ST6GAL2: variants seen among roughly 807,000 people sequenced by gnomAD.
ST6GAL2 encodes the protein beta-galactoside alpha-2,6-sialyltransferase 2.
ST6GAL2 carries 24 observed loss-of-function variants against 37.5 expected under a neutral mutation model. The ratio of observed to expected loss-of-function variants is 0.64; its 90% CI spans 0.46 to 0.90. The LOEUF is 0.90. ST6GAL2 is among the 40% of genes least tolerant of loss of function. The probability of loss-of-function intolerance (pLI) is 0.00; values close to 1 mark genes in which losing one functional copy is unlikely to be tolerated. For missense variants in ST6GAL2, 715 were observed against 712.7 expected, an observed-to-expected ratio of 1.00 and a Z score of -0.04; for synonymous variants, 306 against 295.1, an observed-to-expected ratio of 1.04 and a Z score of -0.38.
At chr2:106,866,740 T>C (rs1678042042) in intron 1 of ST6GAL2, among the ~76,000 whole-genome samples, 1 of 152,188 alleles carries the variant, frequency 6.6e-6, no homozygotes, top group Non-Finnish European at 1.5e-5. Context: ...ATCCCTGCCT[T>C]ATTCATCAGG....
chr2:106,835,665 C>T (rs1444186673), intron 2 of ST6GAL2, among the ~76,000 whole-genome samples: 10 of 152,216 alleles, frequency 6.6e-5, no homozygotes, highest in East Asian at 1.9e-4. Flanking sequence ...ATAACACAGA[C>T]ACACTCACTG....
chr2:106,866,772 G>C (rs1430567709), intron 1 of ST6GAL2, among the ~76,000 whole-genome samples: 1 of 152,108 alleles, frequency 6.6e-6, no homozygotes, highest in Non-Finnish European at 1.5e-5. Flanking sequence ...AGAATGTGTT[G>C]GTAAAACACG....
intron 1 of ST6GAL2, among the ~76,000 whole-genome samples, chr2:106,868,855 C>CA (rs1281435005): frequency 6.6e-6 from 1 of 150,546 alleles, no homozygotes; most frequent in Non-Finnish European, 1.5e-5. Flanking sequence ...GAGTGCAATA[C>CA]AAAAAAGAAA....
Position 106,843,488 on chromosome 2 carries a change from G to A in ST6GAL2, c.490C>T (p.Pro164Ser). 6.2e-7 allele frequency: 1 copy of A among 1,614,048 alleles called. No homozygotes were observed. The highest frequency in any genetic ancestry group is 8.5e-7 in the Non-Finnish European group (1 of 1,180,016). ...GEPGPREGAF[P>S]AAQVQRRRVK... ...CGCCTCCTCTGGACCTGTGCAGCCG[G>A]AAAAGCCCCCTCCCGTGGGCCTGGC... Residue 164 changes from proline to serine, a missense_variant, in exon 2 of 6, where the codon CCG (proline) becomes TCG (serine). Physicochemically the swap from Pro to Ser is moderately conservative, Grantham distance 74. Coordinates refer to ENST00000409382, the MANE Select transcript of ST6GAL2 (RefSeq NM_001142351.2).
chr2:106,867,345 A>G (rs969697506), intron 1 of ST6GAL2, among the ~76,000 whole-genome samples: 5 of 152,078 alleles, frequency 3.3e-5, no homozygotes, highest in Admixed American at 3.3e-4. Context: ...TCATGATTCC[A>G]CTGTTGGCAA....
At position 106,843,163 on chromosome 2, in the gene ST6GAL2, G is replaced by A. The variant is rs769367829; in HGVS notation, c.815C>T (p.Ser272Phe). 1 of 1,561,416 alleles carries A rather than the reference G, an allele frequency of 6.4e-7. No homozygotes were observed. Among genetic ancestry groups the A allele is most frequent in the Non-Finnish European group, 8.7e-7 (1 of 1,154,440 alleles). ...RTLDGTEAPFSALGWRRLVPA... is the reference protein window; with the variant it reads ...RTLDGTEAPFFALGWRRLVPA... The stretch of plus-strand genomic sequence containing the variant: ...CACCAGGCGCCGCCAGCCCAGCGCA[G>A]AAAAGGGCGCCTCGGTGCCGTCCAG... Residue 272 changes from serine to phenylalanine, a missense_variant, in exon 2 of 6, where the codon TCT (serine) becomes TTT (phenylalanine). Around this residue, in one of 3 missense-constraint regions of ST6GAL2, gnomAD observed 512 missense variants for 488.8 expected, o/e 1.05. Coordinates refer to ENST00000409382, the MANE Select transcript of ST6GAL2 (RefSeq NM_001142351.2).
In ST6GAL2 at chr2:106,843,107, G is replaced by C; in HGVS notation, c.871C>G (p.Arg291Gly). ...ACGACAGCGCAGCTGCGCAGGCCGC[G>C]GGGGTGCAGCTGGCTCAGGGGCACG... ...PAVPLSQLHPRGLRSCAVVMS... is the reference protein window; with the variant it reads ...PAVPLSQLHPGGLRSCAVVMS... The change falls in exon 2 of 6, where the codon CGC (arginine) becomes GGC (glycine). Residue 291 changes from arginine (R) to glycine (G), a missense_variant. Physicochemically the swap from Arg to Gly is moderately radical, Grantham distance 125. Coordinates refer to ENST00000409382, the MANE Select transcript of ST6GAL2 (RefSeq NM_001142351.2). The C allele has an allele frequency of 6.4e-7, 1 of 1,556,680 alleles. No homozygotes were observed. Among genetic ancestry groups the C allele is most frequent in the Non-Finnish European group, 8.6e-7 (1 of 1,157,038 alleles).
At chr2:106,846,809 C>T (rs1406101289) in intron 1 of ST6GAL2, among the ~76,000 whole-genome samples, 1 of 152,170 alleles carries the variant, frequency 6.6e-6, no homozygotes, top group Non-Finnish European at 1.5e-5. Context: ...CCGCAGTTAG[C>T]TTACTATATA....
intron 2 of ST6GAL2, among the ~76,000 whole-genome samples, chr2:106,835,233 C>T (rs181256060): frequency 1.3e-4 from 20 of 152,182 alleles, no homozygotes; most frequent in South Asian, 2.1e-4. Context: ...AAGGACAGTG[C>T]CTGTCTGTGA....
At chr2:106,820,472 G>C (rs1437016556) in intron 5 of ST6GAL2, among the ~76,000 whole-genome samples, 4 of 152,016 alleles carry the variant, frequency 2.6e-5, no homozygotes, top group African/African-American at 9.7e-5. Flanking sequence ...GGAGAACTCA[G>C]ATCCATAAAG....
intron 2 of ST6GAL2, among the ~76,000 whole-genome samples, chr2:106,837,810 GA>G (rs1308325899): frequency 2.0e-5 from 3 of 152,208 alleles, no homozygotes; most frequent in African/African-American, 7.2e-5. Flanking sequence ...TCTTATTGTG[GA>G]GCTGTGCTCT....
At position 106,805,970 on chromosome 2, in the gene ST6GAL2, T is replaced by C. The variant is rs1287058639; in HGVS notation, c.*708A>G. 1 of 152,352 alleles carries C rather than the reference T, an allele frequency of 6.6e-6. No individual in the cohort carries two copies. Among genetic ancestry groups the C allele is most frequent in the East Asian group, 1.9e-4 (1 of 5,192 alleles). 9.4% of individuals were successfully genotyped at this position (152,352 alleles called of 1,614,324 possible). ...ATACTAATGTTCCTGGTTGAAATAC[T>C]GCAGGGAAACAAAGGGCCTCCTCTG... On this transcript the variant is annotated 3_prime_UTR_variant, in exon 6 of 6. Coordinates refer to ENST00000409382, the MANE Select transcript of ST6GAL2 (RefSeq NM_001142351.2).
intron 5 of ST6GAL2, among the ~76,000 whole-genome samples, chr2:106,820,677 A>C (rs1675971094): frequency 6.6e-6 from 1 of 152,094 alleles, no homozygotes. Context: ...TGCAGAATAC[A>C]CATTCTTTTC....
At chr2:106,855,752 G>T (rs1004049270) in intron 1 of ST6GAL2, among the ~76,000 whole-genome samples, 1 of 152,134 alleles carries the variant, frequency 6.6e-6, no homozygotes, top group South Asian at 2.1e-4. Flanking sequence ...TGTAATAAAA[G>T]TTGTAAAAAG....
intron 1 of ST6GAL2, among the ~76,000 whole-genome samples, chr2:106,883,755 AAACTC>A (rs970194639): frequency 1.5e-5 from 2 of 132,908 alleles, no homozygotes; most frequent in African/African-American, 4.9e-5. Flanking sequence ...GGAAAAGAAA[AAACTC>A]AATCAATCAG....
In ST6GAL2 at chr2:106,814,787, C is replaced by T. The variant is rs374867815; in HGVS notation, c.1319-7838G>A. On this transcript the variant is annotated intron_variant, in intron 5 of 5. Coordinates refer to ENST00000409382, the MANE Select transcript of ST6GAL2 (RefSeq NM_001142351.2). ...TGTCATTACGTGGGCAAAATAGAAG[C>T]TACAGGACTCCAAGTAAATTATTCC... 1.3e-4 allele frequency among the ~76,000 whole-genome samples: 20 copies of T among 152,298 alleles called. No homozygotes were observed. The South Asian group carries it at 3.5e-3, about 27-fold the overall frequency.
intron 1 of ST6GAL2, among the ~76,000 whole-genome samples, chr2:106,872,919 A>C (rs1678338435): frequency 6.6e-6 from 1 of 152,154 alleles, no homozygotes; most frequent in African/African-American, 2.4e-5. Context: ...ATTCTAGTAC[A>C]GGTTCAGAGT....
In ST6GAL2 at chr2:106,806,527, G is replaced by T; in HGVS notation, c.*151C>A. The T allele has an allele frequency of 3.4e-6, 3 of 881,426 alleles. No individual in the cohort carries two copies. Among genetic ancestry groups the T allele is most frequent in the Non-Finnish European group, 5.2e-6 (3 of 580,658 alleles). The allele number at this position is 881,426 out of a possible 1,614,324, so 54.6% of individuals were successfully genotyped here. On this transcript the variant is annotated 3_prime_UTR_variant, in exon 6 of 6. Transcript: ENST00000409382. ...TCAAAGCAGTAATACATACTCAATG[G>T]CTTAGAAAGAGAAGGATTATCATGA...
chr2:106,810,638 G>GA (rs987197129), intron 5 of ST6GAL2, among the ~76,000 whole-genome samples: 10 of 152,142 alleles, frequency 6.6e-5, no homozygotes, highest in South Asian at 2.1e-4. Flanking sequence ...CAAAAAAAAG[G>GA]AAAAAAATAA....
Sources: gnomAD v4.1 joint callset for allele counts (sites outside exome capture counted in the v4.1 genomes callset) on GRCh38, gnomAD v4.1.1 for gene constraint, gnomAD v4.1.1 regional missense constraint, MANE v1.5 for transcripts, NCBI Gene and HGNC (gene_info 2026-07-23, HGNC 2026-07-21) for gene names.